Variants in SEC14L1 observed in about 807,000 individuals in gnomAD.
SEC14L1 encodes the protein SEC14-like protein 1.
A neutral mutation model predicts 85.3 loss-of-function variants in SEC14L1; 48 were observed. That is an observed-to-expected ratio of 0.56 (90% CI 0.45 to 0.72). The LOEUF (loss-of-function observed/expected upper bound fraction) is 0.72, where lower values mean the gene tolerates loss of function less well. Ranked by LOEUF, SEC14L1 falls within the 30% of genes least tolerant of loss-of-function variation. The pLI is 0.00. For missense variants in SEC14L1, 682 were observed against 921.4 expected, an observed-to-expected ratio of 0.74 and a Z score of 3.36; for synonymous variants, 391 against 355.5, an observed-to-expected ratio of 1.10 and a Z score of -1.12.
At chr17:77,130,557 A>G (rs1246355711) in intron 3 of SEC14L1, among the ~76,000 whole-genome samples, 1 of 152,126 alleles carries the variant, frequency 6.6e-6, no homozygotes, top group Admixed American at 6.5e-5. Flanking sequence ...TCCTGGCCTC[A>G]AGTGATTCAC....
intron 5 of SEC14L1, 130 bp from the exon 6 acceptor site, chr17:77,193,291 G>A (rs888163321): frequency 2.5e-6 from 2 of 791,610 alleles, no homozygotes; most frequent in Admixed American, 3.3e-5. Flanking sequence ...TTTTCCATCT[G>A]CTGTCTTTAT....
At chr17:77,123,037 GTTTTGTTT>G (rs1275838904) in intron 3 of SEC14L1, among the ~76,000 whole-genome samples, 6 of 150,938 alleles carry the variant, frequency 4.0e-5, no homozygotes, top group African/African-American at 7.3e-5. Context: ...CTTTTTTGTT[GTTTTGTTT>G]TTTTGTTTTT....
At chr17:77,160,124 G>T (rs973182329) in intron 3 of SEC14L1, among the ~76,000 whole-genome samples, 2 of 152,178 alleles carry the variant, frequency 1.3e-5, no homozygotes, top group Non-Finnish European at 2.9e-5. Flanking sequence ...CACTCCTATT[G>T]GCAGCCTACT....
chr17:77,143,796 T>C (rs1973159537), intron 3 of SEC14L1, 137 bp downstream of exon 3: 1 of 550,364 alleles, frequency 1.8e-6, no homozygotes, highest in African/African-American at 1.9e-5. Flanking sequence ...TTATGAACCG[T>C]ATCTAGAGTG....
chr17:77,108,867 G>C (rs545333181), intron 3 of SEC14L1, among the ~76,000 whole-genome samples: 1 of 149,478 alleles, frequency 6.7e-6, no homozygotes, highest in South Asian at 2.1e-4. Flanking sequence ...CTGTCACCCA[G>C]GCTGAACTGC....
At chr17:77,191,474 G>A (rs1181596178) in intron 5 of SEC14L1, among the ~76,000 whole-genome samples, 162 bp downstream of exon 5, 2 of 152,090 alleles carry the variant, frequency 1.3e-5, no homozygotes, top group Non-Finnish European at 2.9e-5. Flanking sequence ...TAGCAGGTGT[G>A]GTCTCCTGCA....
intron 3 of SEC14L1, among the ~76,000 whole-genome samples, chr17:77,177,120 T>G (rs1448226778): frequency 6.6e-6 from 1 of 152,052 alleles, no homozygotes; most frequent in Non-Finnish European, 1.5e-5. Context: ...ATCATCAATT[T>G]TTTTGGTCTT....
chr17:77,115,724 C>G (rs1022939093), intron 3 of SEC14L1, among the ~76,000 whole-genome samples: 5 of 152,242 alleles, frequency 3.3e-5, no homozygotes, highest in Non-Finnish European at 7.4e-5. Context: ...ACACAGGAAA[C>G]AAATCACTGT....
At chr17:77,167,848 G>C (rs1199641537) in intron 3 of SEC14L1, among the ~76,000 whole-genome samples, 1 of 152,216 alleles carries the variant, frequency 6.6e-6, no homozygotes, top group African/African-American at 2.4e-5. Flanking sequence ...AGTAAGCGGT[G>C]CTGAAGAGAA....
At chr17:77,138,115 G>A (rs941002668), upstream of SEC14L1, among the ~76,000 whole-genome samples, 26 of 152,104 alleles carry the variant, frequency 1.7e-4, no homozygotes, top group African/African-American at 6.3e-4. Flanking sequence ...TCCTGGGCGG[G>A]GGCCACAAGA....
In SEC14L1 at chr17:77,206,201, A is replaced by G; in HGVS notation, c.1170-28A>G. 1 of 1,602,086 alleles carries G rather than the reference A, an allele frequency of 6.2e-7. No homozygotes were observed. Among genetic ancestry groups the G allele is most frequent in the Non-Finnish European group, 8.5e-7 (1 of 1,170,398 alleles). ...GTTTGCTAAGTGTGCTGTCTGTTGA[A>G]TGAAACACATCTCTGCACAACCTGC... On this transcript the variant is annotated intron_variant, in intron 11 of 16. Coordinates refer to ENST00000436233, the MANE Select transcript of SEC14L1 (RefSeq NM_001143998.2). This position sits in a 1 kb window ranked among gnomAD's most constrained non-coding sequence, Gnocchi z 4.3.
chr17:77,174,230 T>C (rs1198034528), intron 3 of SEC14L1, among the ~76,000 whole-genome samples: 1 of 152,152 alleles, frequency 6.6e-6, no homozygotes, highest in Non-Finnish European at 1.5e-5. Context: ...CTTGCACTCT[T>C]TCTTTAGAGG....
intron 3 of SEC14L1, among the ~76,000 whole-genome samples, chr17:77,134,601 G>A (rs1374824284): frequency 2.0e-5 from 3 of 151,966 alleles, no homozygotes; most frequent in Middle Eastern, 3.2e-3. Flanking sequence ...GTGTGGTGGC[G>A]CATGCCTGTA....
chr17:77,116,849 C>T (rs919829204), intron 3 of SEC14L1, among the ~76,000 whole-genome samples: 6 of 152,162 alleles, frequency 3.9e-5, no homozygotes, highest in African/African-American at 1.4e-4. Context: ...CTGTAGAAGT[C>T]CCCTGTCTCA....
At chr17:77,205,047 C>T (rs1976394059) in intron 10 of SEC14L1, among the ~76,000 whole-genome samples, 3 of 152,150 alleles carry the variant, frequency 2.0e-5, no homozygotes, top group African/African-American at 7.2e-5. Flanking sequence ...TTTGGATAGC[C>T]GTTACCTTTG....
At chr17:77,159,798 ATTG>A (rs964059366) in intron 3 of SEC14L1, among the ~76,000 whole-genome samples, 11 of 152,150 alleles carry the variant, frequency 7.2e-5, no homozygotes, top group African/African-American at 2.7e-4. Flanking sequence ...CATGATTGCC[ATTG>A]TTGTTAATTT....
chr17:77,205,324 A>G lies in SEC14L1; in HGVS notation c.1147A>G (p.Lys383Glu), dbSNP rs539907146. The G allele has an allele frequency of 2.7e-5, 43 of 1,614,102 alleles. No homozygotes were observed. Among genetic ancestry groups the G allele is most frequent in the South Asian group, 4.4e-5 (4 of 91,096 alleles). ...EGLRRCEENT[K>E]VFGRPISSWT... ...GCTAAGGCGATGCGAAGAGAATACA[A>G]AAGTCTTTGGTCGGCCTATCAGGTA... The change falls in exon 11 of 17, where the codon AAA becomes GAA. Residue 383 changes from lysine to glutamate, a missense_variant. Transcript: ENST00000436233.
intron 3 of SEC14L1, among the ~76,000 whole-genome samples, chr17:77,184,821 A>G (rs1401770725): frequency 6.6e-6 from 1 of 152,198 alleles, no homozygotes; most frequent in Non-Finnish European, 1.5e-5. Flanking sequence ...TGATGTTTTT[A>G]ATCAAATTAG....
At chr17:77,211,794 G>A in intron 14 of SEC14L1, 156 bp from the exon 15 acceptor site, 2 of 918,952 alleles carry the variant, frequency 2.2e-6, no homozygotes, top group Non-Finnish European at 3.3e-6. Flanking sequence ...ATGGTGGTGT[G>A]TGACTCTGGG....
Sources: allele counts gnomAD v4.1 joint callset (sites outside exome capture counted in the v4.1 genomes callset), GRCh38; gene constraint gnomAD v4.1.1; non-coding constraint Gnocchi (gnomAD v3.1); transcripts MANE v1.5; gene names NCBI Gene and HGNC (gene_info 2026-07-23, HGNC 2026-07-21).